Variants in FUT9 observed in about 807,000 individuals in gnomAD.
The protein encoded by FUT9 is 4-galactosyl-N-acetylglucosaminide 3-alpha-L-fucosyltransferase 9.
Under a neutral mutation model 29.7 loss-of-function variants are expected in FUT9, and 15 were observed. The ratio of observed to expected loss-of-function variants is 0.51; its 90% CI spans 0.34 to 0.78. The LOEUF is 0.78. Among genes scored for constraint, FUT9 ranks in the 30% least tolerant of loss-of-function variants. The pLI is 0.01. For synonymous variants in FUT9, 169 were observed against 153.7 expected (o/e 1.10, Z -0.74); for missense variants, 319 against 425.4 (o/e 0.75, Z 2.20).
In FUT9 at chr6:96,214,284, A is replaced by G. The variant is rs746699734; in HGVS notation, c.*10049A>G. 11 of 166,830 alleles carry G rather than the reference A, an allele frequency of 6.6e-5. No homozygotes were observed. Among genetic ancestry groups the G allele is most frequent in the Non-Finnish European group, 1.6e-4 (11 of 68,038 alleles). The allele number at this position is 166,830 out of a possible 1,614,324, so 10.3% of individuals were successfully genotyped here. ...ACATAATATTCTGGCAGCTTTTTCT[A>G]TAACTGAGAATGGTATATCTTTTTA... On this transcript the variant is annotated 3_prime_UTR_variant, in exon 3 of 3. Transcript: ENST00000302103.
intron 2 of FUT9, among the ~76,000 whole-genome samples, chr6:96,186,729 C>T (rs1773412474): frequency 6.6e-6 from 1 of 152,064 alleles, no homozygotes; most frequent in Non-Finnish European, 1.5e-5. Context: ...GTGTCAATTC[C>T]ATTTCAGATC....
chr6:96,030,906 T>C (rs1253371247), intron 1 of FUT9, among the ~76,000 whole-genome samples: 1 of 151,402 alleles, frequency 6.6e-6, no homozygotes, highest in East Asian at 1.9e-4. Flanking sequence ...AGAAAACATA[T>C]CAGTGGTTTC....
chr6:96,046,221 G>GCACACACACACA (rs139036869), intron 1 of FUT9, among the ~76,000 whole-genome samples: 65 of 148,192 alleles, frequency 4.4e-4, no homozygotes, highest in African/African-American at 1.5e-3. Context: ...ACACAGATAT[G>GCACACACACACA]CACACACACA....
chr6:96,151,980 A>G (rs911785971), intron 2 of FUT9, among the ~76,000 whole-genome samples: 1 of 152,196 alleles, frequency 6.6e-6, no homozygotes, highest in Non-Finnish European at 1.5e-5. Context: ...TCAAAATGGG[A>G]TCAGAGGATG....
At chr6:96,158,949 G>T (rs1772843379) in intron 2 of FUT9, among the ~76,000 whole-genome samples, 1 of 152,140 alleles carries the variant, frequency 6.6e-6, no homozygotes, top group Admixed American at 6.5e-5. Flanking sequence ...TCAGGTAAAT[G>T]ACATTGTAAA....
intron 2 of FUT9, among the ~76,000 whole-genome samples, chr6:96,137,252 A>T (rs1772365290): frequency 6.6e-6 from 1 of 152,082 alleles, no homozygotes; most frequent in African/African-American, 2.4e-5. Flanking sequence ...GCCAATTTTG[A>T]GTAACGCATA....
rs894779150 is a variant in FUT9, at chr6:96,203,236, C to T, written c.81C>T (p.Leu27=). 1 of 1,613,596 alleles carries T rather than the reference C, an allele frequency of 6.2e-7. No homozygotes were observed. The highest frequency in any genetic ancestry group is 1.1e-5 in the South Asian group (1 of 91,072). Residue 27 remains leucine, a synonymous_variant, in exon 3 of 3, where the codon CTC becomes CTT. Transcript: ENST00000302103. ...IILGCFMACL[L]IYIKPTNSWI... ...TGGGCTGTTTCATGGCATGTCTTCT[C>T]ATTTACATCAAACCTACCAACAGCT...
intron 1 of FUT9, among the ~76,000 whole-genome samples, chr6:96,096,538 A>G (rs12200614): frequency 4.0e-5 from 6 of 151,844 alleles, no homozygotes; most frequent in African/African-American, 1.2e-4. Flanking sequence ...CCCTTAATCT[A>G]TCTAATCTTG....
chr6:96,122,613 C>T (rs1772050260), intron 2 of FUT9, among the ~76,000 whole-genome samples: 1 of 151,826 alleles, frequency 6.6e-6, no homozygotes, highest in African/African-American at 2.4e-5. Flanking sequence ...TTTGTAGGTG[C>T]CCTTATAATG....
intron 2 of FUT9, among the ~76,000 whole-genome samples, chr6:96,151,048 C>G (rs113242146): frequency 6.6e-6 from 1 of 151,950 alleles, no homozygotes; most frequent in African/African-American, 2.4e-5. Context: ...TTGCAGATAC[C>G]AAATAGAATG....
intron 1 of FUT9, among the ~76,000 whole-genome samples, chr6:96,052,147 AG>A (rs925480793): frequency 2.2e-4 from 34 of 152,272 alleles, no homozygotes; most frequent in African/African-American, 8.2e-4. Context: ...GCTGAGCAAA[AG>A]GGGGAAAACC....
rs1774002999 is a variant in FUT9, at chr6:96,214,622, G to C, written c.*10387G>C. On this transcript the variant is annotated 3_prime_UTR_variant, in exon 3 of 3. Transcript: ENST00000302103. ...TCTCTTTTATTCAGAAAACATACCTGTGCTTTTGAAAGGGCTTAATCCCAA... is the reference window on the plus strand; with the variant it reads ...TCTCTTTTATTCAGAAAACATACCTCTGCTTTTGAAAGGGCTTAATCCCAA... 6.0e-6 allele frequency: 1 copy of C among 166,870 alleles called. No homozygotes were observed. The highest frequency in any genetic ancestry group is 6.6e-5 in the Admixed American group (1 of 15,242). The allele number at this position is 166,870 out of a possible 1,614,324, so 10.3% of individuals were successfully genotyped here.
intron 2 of FUT9, among the ~76,000 whole-genome samples, chr6:96,178,759 T>A (rs764253436): frequency 6.6e-6 from 1 of 152,136 alleles, no homozygotes; most frequent in Non-Finnish European, 1.5e-5. Context: ...AACTGTAGTA[T>A]CTAAGGGTCT....
At chr6:96,091,729 G>A (rs1266290561) in intron 1 of FUT9, among the ~76,000 whole-genome samples, 1 of 152,044 alleles carries the variant, frequency 6.6e-6, no homozygotes, top group African/African-American at 2.4e-5. Context: ...ATTGAAACTA[G>A]TTGAAGGGTT....
chr6:96,208,632 T>G lies in FUT9; in HGVS notation c.*4397T>G, dbSNP rs1773878311. On this transcript the variant is annotated 3_prime_UTR_variant, in exon 3 of 3. Transcript: ENST00000302103. The stretch of plus-strand genomic sequence containing the variant: ...CACCTGGATGCAAAAGGAAGGCATT[T>G]TAATTCCTTTCTATCTTACAACATT... The G allele has an allele frequency of 6.0e-6, 1 of 166,834 alleles. No individual in the cohort carries two copies. Among genetic ancestry groups the G allele is most frequent in the African/African-American group, 2.4e-5 (1 of 41,454 alleles). The allele number at this position is 166,834 out of a possible 1,614,324, so 10.3% of individuals were successfully genotyped here.
chr6:96,118,791 A>T (rs1174269654), intron 2 of FUT9, among the ~76,000 whole-genome samples: 1 of 152,190 alleles, frequency 6.6e-6, no homozygotes, highest in Non-Finnish European at 1.5e-5. Flanking sequence ...TGGAGGTAGA[A>T]GACAGTGATA....
intron 1 of FUT9, among the ~76,000 whole-genome samples, chr6:96,039,287 A>G (rs528681403): frequency 6.6e-6 from 1 of 152,172 alleles, no homozygotes; most frequent in East Asian, 1.9e-4. Context: ...AGTGCCAACT[A>G]TGTGGAATGC....
chr6:96,211,478 C>G lies in FUT9; in HGVS notation c.*7243C>G, dbSNP rs1036096200. 6.0e-6 allele frequency: 1 copy of G among 166,696 alleles called. No homozygotes were observed. The highest frequency in any genetic ancestry group is 2.4e-5 in the African/African-American group (1 of 41,366). The allele number at this position is 166,696 out of a possible 1,614,324, so 10.3% of individuals were successfully genotyped here. A position where few individuals can be genotyped will look rare whatever the true frequency, so the allele number is the denominator to read the frequency against. On this transcript the variant is annotated 3_prime_UTR_variant, in exon 3 of 3. Coordinates refer to ENST00000302103, the MANE Select transcript of FUT9 (RefSeq NM_006581.4). ...CTGGTCCACTAGTTTTGACACAGGA[C>G]TAGTTAATGATTTGTTAGGAAGTCT...
chr6:96,045,689 G>T (rs1234751622), intron 1 of FUT9, among the ~76,000 whole-genome samples: 1 of 152,188 alleles, frequency 6.6e-6, no homozygotes, highest in Non-Finnish European at 1.5e-5. Context: ...GTAGAGAAAA[G>T]GGTGCTTGGA....
Sources: allele counts gnomAD v4.1 joint callset (sites outside exome capture counted in the v4.1 genomes callset), GRCh38; gene constraint gnomAD v4.1.1; transcripts MANE v1.5; gene names NCBI Gene and HGNC (gene_info 2026-07-23, HGNC 2026-07-21).